Variants in LRMDA observed in about 807,000 individuals in gnomAD.
LRMDA encodes leucine rich melanocyte differentiation associated.
Under a neutral mutation model 29.8 loss-of-function variants are expected in LRMDA, and 18 were observed. The ratio of observed to expected loss-of-function variants is 0.60; its 90% confidence interval spans 0.42 to 0.90. The LOEUF is 0.90. Among genes scored for constraint, LRMDA ranks in the 40% least tolerant of loss-of-function variants. The probability of loss-of-function intolerance (pLI) is 0.00; values close to 1 mark genes in which losing one functional copy is unlikely to be tolerated. For synonymous variants in LRMDA, 125 were observed against 109.4 expected (o/e 1.14, Z -0.89); for missense variants, 273 against 273.9 (o/e 1.00, Z 0.02).
chr10:75,824,348 C>A lies in LRMDA; in HGVS notation c.132-211660C>A, dbSNP rs1844214216. ...GATTCAGCAAAGTATAGCTTACTGT[C>A]TATTTTTGTAATTAAAGTTGCCCAC... On this transcript the variant is annotated intron_variant, in intron 2 of 6. Transcript: ENST00000611255. Among the ~76,000 whole-genome samples, 2 of 152,164 alleles carry A rather than the reference C, an allele frequency of 1.3e-5. 1 individual carries two copies. The highest frequency in any genetic ancestry group is 4.1e-4 in the South Asian group (2 of 4,836).
chr10:76,107,483 C>A (rs1360094204), intron 5 of LRMDA, among the ~76,000 whole-genome samples: 1 of 152,168 alleles, frequency 6.6e-6, no homozygotes, highest in African/African-American at 2.4e-5. Context: ...TGAGGTTGGG[C>A]CAGGCCCTGT....
chr10:75,718,213 T>C (rs74888098), intron 2 of LRMDA, among the ~76,000 whole-genome samples: 3,713 of 152,328 alleles, frequency 0.024, 124 homozygotes, highest in East Asian at 0.14. Flanking sequence ...ATTATCATGC[T>C]CACAGTTTGT....
chr10:76,353,330 T>TTTTG (rs1554815245), intron 6 of LRMDA, among the ~76,000 whole-genome samples: 4 of 146,192 alleles, frequency 2.7e-5, no homozygotes, highest in African/African-American at 1.0e-4. Context: ...AGCTGTGGAG[T>TTTTG]TGTGTGTGTG....
intron 2 of LRMDA, among the ~76,000 whole-genome samples, chr10:76,012,952 G>A (rs2132481945): frequency 6.6e-6 from 1 of 152,308 alleles, no homozygotes; most frequent in Admixed American, 6.5e-5. Flanking sequence ...GAAAGTGAGG[G>A]ATGCCTGTGC....
At chr10:76,203,046 A>G (rs1851462700) in intron 5 of LRMDA, among the ~76,000 whole-genome samples, 4 of 152,204 alleles carry the variant, frequency 2.6e-5, no homozygotes, top group Admixed American at 2.6e-4. Flanking sequence ...TTACTTTTCT[A>G]AAAACTCAGC....
intron 5 of LRMDA, among the ~76,000 whole-genome samples, chr10:76,269,567 G>A (rs1055557102): frequency 1.3e-5 from 2 of 152,102 alleles, no homozygotes; most frequent in African/African-American, 4.8e-5. Flanking sequence ...ATGTATGTAT[G>A]TTTTGAATGA....
intron 6 of LRMDA, among the ~76,000 whole-genome samples, chr10:76,408,771 T>C (rs1020485956): frequency 6.6e-6 from 1 of 152,178 alleles, no homozygotes; most frequent in South Asian, 2.1e-4. Flanking sequence ...ACTTTCCACC[T>C]CCACTGCTGG....
chr10:75,632,968 A>AG lies in LRMDA; in HGVS notation c.131+194479dup, dbSNP rs778214392. Among the ~76,000 whole-genome samples the AG allele has an allele frequency of 5.3e-5, 8 of 151,494 alleles. No homozygotes were observed. In the East Asian group the frequency reaches 1.2e-3, roughly 22 times the overall value. ...GTGGCTCCTCCCTGTGGGTTAAGGG[A>AG]GGGGGTCCCAGGGGAGCAGACTCCT... On this transcript the variant is annotated intron_variant, in intron 2 of 6. Transcript: ENST00000611255.
chr10:75,652,641 C>T (rs1239029794), intron 2 of LRMDA, among the ~76,000 whole-genome samples: 3 of 152,156 alleles, frequency 2.0e-5, no homozygotes, highest in African/African-American at 2.4e-5. Flanking sequence ...CCACTGTCCT[C>T]GGCTGCAGTG....
chr10:75,512,435 A>G (rs1418474905), intron 2 of LRMDA, among the ~76,000 whole-genome samples: 1 of 152,152 alleles, frequency 6.6e-6, no homozygotes, highest in Non-Finnish European at 1.5e-5. Flanking sequence ...CTCCAGGAAA[A>G]GCATTAGTAA....
At chr10:75,910,429 G>A (rs1311997301) in intron 2 of LRMDA, among the ~76,000 whole-genome samples, 2 of 152,290 alleles carry the variant, frequency 1.3e-5, no homozygotes, top group Middle Eastern at 3.4e-3. Flanking sequence ...AATAGTGGTA[G>A]GACAGTTAGC....
chr10:75,511,642 A>G (rs1845227135), intron 2 of LRMDA, among the ~76,000 whole-genome samples: 2 of 152,144 alleles, frequency 1.3e-5, no homozygotes, highest in African/African-American at 4.8e-5. Flanking sequence ...GGTTCTCACT[A>G]TCTCCCATGT....
chr10:75,524,362 A>G (rs1185257575), intron 2 of LRMDA, among the ~76,000 whole-genome samples: 1 of 152,088 alleles, frequency 6.6e-6, no homozygotes, highest in African/African-American at 2.4e-5. Flanking sequence ...ATCTTGGGCA[A>G]GATTTTTAAC....
chr10:76,328,834 A>T (rs1169488450), intron 6 of LRMDA, among the ~76,000 whole-genome samples: 1 of 152,252 alleles, frequency 6.6e-6, no homozygotes, highest in Non-Finnish European at 1.5e-5. Flanking sequence ...TGAATGCTCC[A>T]TGTCAGTCTG....
intron 3 of LRMDA, among the ~76,000 whole-genome samples, chr10:76,042,616 T>C (rs965774395): frequency 3.9e-5 from 6 of 152,332 alleles, no homozygotes; most frequent in Admixed American, 3.9e-4. Flanking sequence ...TTTAAGTTGA[T>C]AAATTTCACA....
intron 6 of LRMDA, among the ~76,000 whole-genome samples, chr10:76,404,081 G>T (rs993054353): frequency 2.0e-5 from 3 of 151,922 alleles, no homozygotes; most frequent in Admixed American, 6.6e-5. Context: ...AAAATGTCTT[G>T]CATATACTAG....
At chr10:76,234,159 T>C (rs1055690486) in intron 5 of LRMDA, among the ~76,000 whole-genome samples, 1 of 152,236 alleles carries the variant, frequency 6.6e-6, no homozygotes, top group Non-Finnish European at 1.5e-5. Context: ...ATGGCTGTTG[T>C]GTGAGGAGGC....
At chr10:76,423,997 T>A (rs1842097512) in intron 6 of LRMDA, among the ~76,000 whole-genome samples, 1 of 152,160 alleles carries the variant, frequency 6.6e-6, no homozygotes, top group Non-Finnish European at 1.5e-5. Flanking sequence ...TCCTTTGTGA[T>A]CCCAAGTTCT....
intron 2 of LRMDA, among the ~76,000 whole-genome samples, chr10:75,862,892 C>T (rs1013618677): frequency 3.3e-5 from 5 of 152,034 alleles, no homozygotes; most frequent in Admixed American, 1.3e-4. Flanking sequence ...TACCATGAAA[C>T]GATGTGGGAG....
Sources: allele counts gnomAD v4.1 joint callset (sites outside exome capture counted in the v4.1 genomes callset), GRCh38; gene constraint gnomAD v4.1.1; transcripts MANE v1.5; gene names NCBI Gene and HGNC (gene_info 2026-07-23, HGNC 2026-07-21).